The following KIAA1217 variants were observed in gnomAD, a reference collection of about 807,000 sequenced individuals.
KIAA1217 encodes sickle tail protein homolog.
KIAA1217 carries 88 observed loss-of-function variants against 163.9 expected under a neutral mutation model. The ratio of observed to expected loss-of-function variants is 0.54; its 90% confidence interval spans 0.45 to 0.64. The LOEUF (loss-of-function observed/expected upper bound fraction) is 0.64. Among genes scored for constraint, KIAA1217 ranks in the 30% least tolerant of loss-of-function variants. The probability of loss-of-function intolerance (pLI) is 0.00; values close to 1 mark genes in which losing one functional copy is unlikely to be tolerated. For synonymous variants in KIAA1217, 903 were observed against 923.1 expected (o/e 0.98, Z 0.39); for missense variants, 2,372 against 2,475.0 (o/e 0.96, Z 0.88).
intron 2 of KIAA1217, among the ~76,000 whole-genome samples, chr10:24,193,160 C>A (rs1269754503): frequency 6.6e-6 from 1 of 152,044 alleles, no homozygotes; most frequent in Admixed American, 6.6e-5. Context: ...CTTGAGCGAT[C>A]TTCCCACCTC....
chr10:24,273,079 T>C (rs2076923483), intron 2 of KIAA1217, among the ~76,000 whole-genome samples: 2 of 152,214 alleles, frequency 1.3e-5, no homozygotes, highest in Non-Finnish European at 2.9e-5. Flanking sequence ...TTTTAGTTAA[T>C]TTTAGCAACA....
At chr10:23,751,555 C>G (rs1839741030) in intron 1 of KIAA1217, among the ~76,000 whole-genome samples, 1 of 151,646 alleles carries the variant, frequency 6.6e-6, no homozygotes, top group Non-Finnish European at 1.5e-5. Flanking sequence ...GATGCCATTT[C>G]TCCAACTCTT....
chr10:24,205,197 T>A (rs1007808148), upstream of KIAA1217, among the ~76,000 whole-genome samples: 1 of 149,568 alleles, frequency 6.7e-6, no homozygotes, highest in African/African-American at 2.5e-5. Context: ...ACGCCTGTAA[T>A]CCCAGCGTGA....
chr10:24,543,324 C>T lies in KIAA1217; in HGVS notation c.4054C>T (p.Pro1352Ser). ...AGATTTTGGCCAAGTTGTTCTAAGA[C>T]CCAAGGAGGCAAGGCATGCTAACGT... is the stretch of plus-strand genomic sequence containing the variant. ...TTDFGQVVLR[P>S]KEARHANVNP... Residue 1352 changes from proline to serine, a missense_variant, in exon 19 of 21, where the codon CCC (proline) becomes TCC (serine). Transcript: ENST00000376454. The T allele has an allele frequency of 6.2e-7, 1 of 1,614,090 alleles. No individual in the cohort carries two copies. The highest frequency in any genetic ancestry group is 1.3e-5 in the African/African-American group (1 of 75,024).
intron 1 of KIAA1217, among the ~76,000 whole-genome samples, chr10:23,983,833 A>G (rs1845865931): frequency 6.6e-6 from 1 of 152,244 alleles, no homozygotes; most frequent in African/African-American, 2.4e-5. Flanking sequence ...CAAGTCCTGA[A>G]TCTCATGATT....
intron 5 of KIAA1217, among the ~76,000 whole-genome samples, chr10:24,449,094 A>G (rs929752325): frequency 6.6e-6 from 1 of 152,200 alleles, no homozygotes; most frequent in African/African-American, 2.4e-5. Context: ...TGTTTCTGTT[A>G]TGATTGATAA....
At chr10:23,778,107 A>G (rs1835087593) in intron 1 of KIAA1217, among the ~76,000 whole-genome samples, 1 of 151,870 alleles carries the variant, frequency 6.6e-6, no homozygotes, top group Admixed American at 6.6e-5. Context: ...ATGTTTGGCT[A>G]ATTTTTGTAT....
intron 2 of KIAA1217, among the ~76,000 whole-genome samples, chr10:24,265,518 C>T (rs992675649): frequency 3.9e-5 from 6 of 152,118 alleles, no homozygotes; most frequent in African/African-American, 1.4e-4. Flanking sequence ...TGAACAAAGG[C>T]TCTTCATTCT....
intron 1 of KIAA1217, among the ~76,000 whole-genome samples, chr10:23,748,878 A>G (rs1300832334): frequency 6.6e-6 from 1 of 152,026 alleles, no homozygotes; most frequent in African/African-American, 2.4e-5. Flanking sequence ...CCCCAAGTCT[A>G]GGGTAATGTC....
intron 1 of KIAA1217, among the ~76,000 whole-genome samples, chr10:23,755,057 C>T (rs1833855088): frequency 6.6e-6 from 1 of 152,016 alleles, no homozygotes; most frequent in Non-Finnish European, 1.5e-5. Flanking sequence ...AGACAAATCA[C>T]AGACTGTGTA....
At chr10:24,066,282 A>G (rs1260887549) in intron 2 of KIAA1217, among the ~76,000 whole-genome samples, 1 of 152,082 alleles carries the variant, frequency 6.6e-6, no homozygotes, top group Non-Finnish European at 1.5e-5. Context: ...GGCTGGTACC[A>G]GTTGTTCCTT....
Position 24,159,740 on chromosome 10 carries a change from G to A in KIAA1217, c.-170-59886G>A, listed in dbSNP as rs931106464. Among the ~76,000 whole-genome samples, 6 of 152,136 alleles carry A rather than the reference G, an allele frequency of 3.9e-5. No individual in the cohort carries two copies. In the South Asian group the frequency reaches 8.3e-4, roughly 21 times the overall value. On this transcript the variant is annotated intron_variant, in intron 2 of 18. Transcript: ENST00000376462. ...AGAGCTTGCAGTGAGCTGAGATCACGCCACTGCGCTCCAGCCTGGGCGACA... is the reference window on the plus strand; with the variant it reads ...AGAGCTTGCAGTGAGCTGAGATCACACCACTGCGCTCCAGCCTGGGCGACA...
chr10:24,185,025 AT>A (rs1564802119), intron 2 of KIAA1217, among the ~76,000 whole-genome samples: 1 of 152,264 alleles, frequency 6.6e-6, no homozygotes, highest in South Asian at 2.1e-4. Context: ...ATAGGCTGAA[AT>A]TTTTTTTAAT....
intron 12 of KIAA1217, among the ~76,000 whole-genome samples, chr10:24,522,339 C>T (rs995040228): frequency 7.9e-5 from 12 of 151,816 alleles, no homozygotes; most frequent in East Asian, 7.8e-4. Flanking sequence ...AAAAAATCAT[C>T]GGAAGGTGGG....
intron 16 of KIAA1217, among the ~76,000 whole-genome samples, chr10:24,536,410 A>G (rs1439428787): frequency 6.6e-6 from 1 of 152,232 alleles, no homozygotes; most frequent in Non-Finnish European, 1.5e-5. Flanking sequence ...GGAATAAAAA[A>G]GAAAGATAGT....
Position 24,536,777 on chromosome 10 carries a change from T to C in KIAA1217, c.3418T>C (p.Phe1140Leu), listed in dbSNP as rs1161639975. The change falls in exon 17 of 21, where the codon TTC becomes CTC. Residue 1140 changes from phenylalanine (F) to leucine (L), a missense_variant. This residue lies in a region of KIAA1217 where 251 missense variants were observed against 327.3 expected (regional missense o/e 0.77). Coordinates refer to ENST00000376454, the MANE Select transcript of KIAA1217 (RefSeq NM_019590.5). Reference protein sequence around the residue: ...GDKIMAELQAFQKCSFMDVNS... With the variant: ...GDKIMAELQALQKCSFMDVNS... Reference sequence around the variant, plus strand: ...CCTCAGTATTTTAATTCCTTAGGCATTCCAGAAGTGTTCCTTTATGGATGT... The same window carrying C: ...CCTCAGTATTTTAATTCCTTAGGCACTCCAGAAGTGTTCCTTTATGGATGT... The C allele has an allele frequency of 1.2e-6, 2 of 1,613,422 alleles. No individual in the cohort carries two copies. The highest frequency in any genetic ancestry group is 1.7e-6 in the Non-Finnish European group (2 of 1,179,452).
rs530265716 is a variant in KIAA1217 at position 23,984,464 on chromosome 10, G to C, written c.-320-22761G>C. Among the ~76,000 whole-genome samples the C allele has an allele frequency of 2.0e-5, 3 of 152,280 alleles. No individual in the cohort carries two copies. The South Asian group carries it at 6.2e-4, about 32-fold the overall frequency. On this transcript the variant is annotated intron_variant, in intron 1 of 18. Coordinates refer to the KIAA1217 transcript ENST00000376462. ...AAATGGTATAAAGGCACATGCATAA[G>C]TATGTTCATTGCAGCACTGTTTACA... is the stretch of plus-strand genomic sequence containing the variant.
At chr10:24,197,122 G>A (rs968735570) in intron 2 of KIAA1217, among the ~76,000 whole-genome samples, 1 of 152,214 alleles carries the variant, frequency 6.6e-6, no homozygotes, top group Non-Finnish European at 1.5e-5. Flanking sequence ...TTTGAGAACT[G>A]TGAGGGGATC....
At chr10:23,848,573 C>G (rs1488220604) in intron 1 of KIAA1217, among the ~76,000 whole-genome samples, 5 of 152,044 alleles carry the variant, frequency 3.3e-5, no homozygotes, top group Non-Finnish European at 7.4e-5. Context: ...AAAACACACA[C>G]TATCTGGCCC....
Sources: gnomAD v4.1 joint callset for allele counts (sites outside exome capture counted in the v4.1 genomes callset) on GRCh38, gnomAD v4.1.1 for gene constraint, gnomAD v4.1.1 regional missense constraint, MANE v1.5 for transcripts, NCBI Gene and HGNC (gene_info 2026-07-23, HGNC 2026-07-21) for gene names.